Variants in UGT2A3 observed in about 807,000 individuals in gnomAD.
UGT2A3 encodes the protein UDP glucuronosyltransferase family 2 member A3.
A neutral mutation model predicts 44.1 loss-of-function variants in UGT2A3; 55 were observed. That is an observed-to-expected ratio of 1.25 (90% CI 1.00 to 1.56). The LOEUF is 1.56. UGT2A3 is among the 40% of genes most tolerant of loss of function. UGT2A3 has a pLI of 0.00. For synonymous variants in UGT2A3, 243 were observed against 215.1 expected, an observed-to-expected ratio of 1.13 and a Z score of -1.13; for missense variants, 733 against 621.6, an observed-to-expected ratio of 1.18 and a Z score of -1.91.
intron 2 of UGT2A3, among the ~76,000 whole-genome samples, chr4:68,937,172 C>G (rs1427578594): frequency 6.6e-6 from 1 of 152,108 alleles, no homozygotes; most frequent in African/African-American, 2.4e-5. Context: ...AGAAGGTTAA[C>G]ACGGATATCC....
At chr4:68,938,504 C>T (rs1384627996) in intron 2 of UGT2A3, among the ~76,000 whole-genome samples, 1 of 152,020 alleles carries the variant, frequency 6.6e-6, no homozygotes, top group African/African-American at 2.4e-5. Flanking sequence ...AATTCAACAC[C>T]CTTCATGCTA....
intron 2 of UGT2A3, among the ~76,000 whole-genome samples, chr4:68,934,223 T>A (rs1225574734): frequency 6.6e-6 from 1 of 151,850 alleles, no homozygotes; most frequent in Non-Finnish European, 1.5e-5. Flanking sequence ...TGGAAAATAA[T>A]GCAATCATAA....
At chr4:68,930,134 T>A in intron 5 of UGT2A3, 42 bp from the exon 6 acceptor site, 1 of 1,560,598 alleles carries the variant, frequency 6.4e-7, no homozygotes, top group Non-Finnish European at 8.7e-7. Flanking sequence ...AAGTTGTAGT[T>A]TTGTTTTCAT....
chr4:68,930,529 C>G lies in UGT2A3; in HGVS notation c.1304+17G>C. 1.9e-6 allele frequency: 3 copies of G among 1,589,958 alleles called. No homozygotes were observed. The highest frequency in any genetic ancestry group is 2.6e-6 in the Non-Finnish European group (3 of 1,166,568). On this transcript the variant is annotated intron_variant, in intron 5 of 5. Coordinates refer to ENST00000251566, the MANE Select transcript of UGT2A3 (RefSeq NM_024743.4). ...ATAGTCAATGTTAGATCAGTCTGTA[C>G]AAGCAGTAGTACTTACGAGGAATCG...
In UGT2A3 at chr4:68,930,058, G is replaced by A. The variant is rs1344118321; in HGVS notation, c.1339C>T (p.His447Tyr). The change falls in exon 6 of 6, where the codon CAC becomes TAC. Residue 447 changes from histidine to tyrosine, a missense_variant. Transcript: ENST00000251566. The part of the protein sequence containing the change: ...KENAMRLSRI[H>Y]HDQPVKPLDR... ...AGGGGCTTTACAGGTTGATCATGGT[G>A]AATTCTTGATAATCTCATAGCATTC... 3.1e-6 allele frequency: 5 copies of A among 1,612,864 alleles called. No homozygotes were observed. The highest frequency in any genetic ancestry group is 4.2e-6 in the Non-Finnish European group (5 of 1,179,440).
At position 68,933,535 on chromosome 4, in the gene UGT2A3, A is replaced by T. The variant is rs185485337; in HGVS notation, c.865-776T>A. Among the ~76,000 whole-genome samples the T allele has an allele frequency of 3.4e-3, 516 of 152,150 alleles. 5 individuals are homozygous for T. Among genetic ancestry groups the T allele is most frequent in the African/African-American group, 0.012 (493 of 41,556 alleles). The stretch of plus-strand genomic sequence containing the variant: ...ACTAATCACAGCAAATGGCAAACAG[A>T]TCTTGGCAGATGCTTTGTGGTCCTA... On this transcript the variant is annotated intron_variant, in intron 2 of 5. Coordinates refer to ENST00000251566, the MANE Select transcript of UGT2A3 (RefSeq NM_024743.4).
At chr4:68,931,898 A>C (rs1717751775) in intron 3 of UGT2A3, among the ~76,000 whole-genome samples, 1 of 151,992 alleles carries the variant, frequency 6.6e-6, no homozygotes. Context: ...GATGTTTCAA[A>C]CTACTTAACA....
At chr4:68,930,445 A>G in intron 5 of UGT2A3, 101 bp downstream of exon 5, 1 of 1,142,702 alleles carries the variant, frequency 8.8e-7, no homozygotes, top group South Asian at 1.7e-5. Context: ...ATTGTGGAGT[A>G]AAATCCCTCA....
chr4:68,942,369 G>A (rs1356976353), intron 2 of UGT2A3, among the ~76,000 whole-genome samples: 2 of 147,360 alleles, frequency 1.4e-5, no homozygotes, highest in African/African-American at 4.9e-5. Flanking sequence ...AAATGGATAT[G>A]TATATTGTGT....
chr4:68,931,224 C>A lies in UGT2A3; in HGVS notation c.1015G>T (p.Gly339Ter). The change falls in exon 4 of 6, where the codon GGA (glycine) becomes TGA (stop). Residue 339 changes from glycine to a stop codon, truncating the protein, a stop_gained. Coordinates refer to ENST00000251566, the MANE Select transcript of UGT2A3 (RefSeq NM_024743.4). LOFTEE classifies it high-confidence loss of function. ...GCTCCTAATGTGGATGGTTTTTTTC[C>A]TTTGTACCTCCATAACACCTACGGA... ...IPQKVLWRYK[G>*]KKPSTLGANT... 1 of 1,612,574 alleles carries A rather than the reference C, an allele frequency of 6.2e-7. No homozygotes were observed. The highest frequency in any genetic ancestry group is 8.5e-7 in the Non-Finnish European group (1 of 1,179,226).
intron 4 of UGT2A3, 84 bp downstream of exon 4, chr4:68,931,071 G>A: frequency 9.0e-7 from 1 of 1,113,838 alleles, no homozygotes; most frequent in Non-Finnish European, 1.3e-6. Flanking sequence ...TATAATTTTA[G>A]ATCTTTGCTG....
intron 2 of UGT2A3, among the ~76,000 whole-genome samples, chr4:68,944,315 G>C (rs541358429): frequency 6.6e-6 from 1 of 151,690 alleles, no homozygotes; most frequent in Non-Finnish European, 1.5e-5. Flanking sequence ...GCATTAGGCT[G>C]TTCATCAGAA....
chr4:68,935,468 C>T (rs1462156943), intron 2 of UGT2A3, among the ~76,000 whole-genome samples: 1 of 151,376 alleles, frequency 6.6e-6, no homozygotes, highest in Non-Finnish European at 1.5e-5. Flanking sequence ...AGCTGAGGGA[C>T]CTGGGTGTTA....
chr4:68,939,948 T>C (rs1450850989), intron 2 of UGT2A3, among the ~76,000 whole-genome samples: 1 of 152,038 alleles, frequency 6.6e-6, no homozygotes. Context: ...CATGAAAAAA[T>C]GCTCATCATC....
At chr4:68,946,809 A>G (rs1718400858) in intron 1 of UGT2A3, among the ~76,000 whole-genome samples, 1 of 151,720 alleles carries the variant, frequency 6.6e-6, no homozygotes. Context: ...ATATGCCAAT[A>G]AAGTGATTCA....
rs151023408 is a variant in UGT2A3, at chr4:68,928,505, T to C, written c.*1308A>G. ...ATTTTATTTATATTTATTGTATACA[T>C]ACACAAGAAAAATACTTATATTTAT... On this transcript the variant is annotated 3_prime_UTR_variant, in exon 6 of 6. Transcript: ENST00000251566. 6.6e-6 allele frequency: 1 copy of C among 152,208 alleles called. No individual in the cohort carries two copies. Among genetic ancestry groups the C allele is most frequent in the African/African-American group, 2.4e-5 (1 of 41,574 alleles). The allele number at this position is 152,208 out of a possible 1,614,324, so 9.4% of individuals were successfully genotyped here.
chr4:68,944,664 G>A (rs1031637255), intron 2 of UGT2A3, among the ~76,000 whole-genome samples: 3 of 151,688 alleles, frequency 2.0e-5, no homozygotes, highest in Non-Finnish European at 4.4e-5. Flanking sequence ...GTCCACAGAG[G>A]TTGAAACCTT....
intron 2 of UGT2A3, among the ~76,000 whole-genome samples, chr4:68,935,296 A>G (rs192114913): frequency 0.052 from 4,698 of 91,082 alleles, 380 homozygotes; most frequent in African/African-American, 0.17. Context: ...ATATATATAT[A>G]TATATATATA....
chr4:68,930,477 T>A (rs1717688168), intron 5 of UGT2A3, 69 bp downstream of exon 5: 1 of 1,368,064 alleles, frequency 7.3e-7, no homozygotes, highest in African/African-American at 1.4e-5. Flanking sequence ...AGGATGATAT[T>A]TAACATTTTC....
Sources: gnomAD v4.1 joint callset for allele counts (sites outside exome capture counted in the v4.1 genomes callset) on GRCh38, gnomAD v4.1.1 for gene constraint, MANE v1.5 for transcripts, NCBI Gene and HGNC (gene_info 2026-07-23, HGNC 2026-07-21) for gene names.